Variants in IGBP1 observed in about 807,000 individuals in gnomAD.
IGBP1 encodes the protein immunoglobulin binding protein 1.
A neutral mutation model predicts 25.9 loss-of-function variants in IGBP1; 2 were observed. The observed-to-expected ratio is 0.08, with a 90% CI of 0.03 to 0.24. The LOEUF (loss-of-function observed/expected upper bound fraction) is 0.24, where lower values mean the gene tolerates loss of function less well. Among genes scored for constraint, IGBP1 ranks in the 10% least tolerant of loss-of-function variants. The pLI, the probability that IGBP1 is intolerant of heterozygous loss-of-function variation, is 1.00. For missense variants in IGBP1, 187 were observed against 260.4 expected, an observed-to-expected ratio of 0.72 and a Z score of 1.94; for synonymous variants, 96 against 93.4, an observed-to-expected ratio of 1.03 and a Z score of -0.16.
chrX:70,138,467 C>G (rs1016394632), intron 3 of IGBP1, among the ~76,000 whole-genome samples: 1 of 73,703 alleles, frequency 1.4e-5, no homozygotes, highest in Non-Finnish European at 2.4e-5. Context: ...GGTGACAGAG[C>G]GAGACCCTGT....
Position 70,134,619 on chromosome X carries a change from C to T in IGBP1, c.285C>T (p.Pro95=). 11 of 1,211,756 alleles carry T rather than the reference C, an allele frequency of 9.1e-6. No homozygotes were observed. The highest frequency in any genetic ancestry group is 1.7e-5 in the African/African-American group (1 of 57,881). ...CCCTCACCATGAAACAAGTCAACCC[C>T]AGCAAGCGTCTAGATCATTTGCAGC... The part of the protein sequence containing the change: ...QGALTMKQVN[P]SKRLDHLQRA... The change falls in exon 3 of 7, where the codon CCC becomes CCT. Residue 95 remains proline (P), a synonymous_variant. Transcript: ENST00000356413.
intron 6 of IGBP1, among the ~76,000 whole-genome samples, chrX:70,158,283 T>C (rs946341758): frequency 1.8e-5 from 2 of 111,548 alleles, no homozygotes; most frequent in African/African-American, 6.5e-5. Flanking sequence ...GGACTCACAC[T>C]GAGGAGAAAT....
At chrX:70,154,714 CA>C (rs762954223) in intron 6 of IGBP1, among the ~76,000 whole-genome samples, 1,527 of 27,041 alleles carry the variant, frequency 0.056, 75 homozygotes, top group African/African-American at 0.23. Context: ...CCCCTCTCCA[CA>C]AAAAAAAAAA....
chrX:70,154,830 G>T (rs1270000610), intron 6 of IGBP1, among the ~76,000 whole-genome samples: 2 of 108,534 alleles, frequency 1.8e-5, no homozygotes. Flanking sequence ...CTGTGAGGTC[G>T]AGGCTGCAGT....
intron 6 of IGBP1, among the ~76,000 whole-genome samples, chrX:70,154,738 T>TAAAAAAAAAAAAAAAAAAAA (rs2085228211): frequency 4.4e-5 from 1 of 22,624 alleles, no homozygotes; most frequent in Non-Finnish European, 9.1e-5. Flanking sequence ...AAAAAAAAAG[T>TAAAAAAAAAAAAAAAAAAAA]TTTAAAAAAC....
Position 70,148,484 on chromosome X carries a change from G to A in IGBP1, c.679-277G>A, listed in dbSNP as rs1348747960. 5 of 318,346 alleles carry A rather than the reference G, an allele frequency of 1.6e-5. No individual in the cohort carries two copies. The Admixed American group carries it at 2.0e-4, about 13-fold the overall frequency. 26.2% of individuals were successfully genotyped at this position (318,346 alleles called of 1,213,427 possible). ...GAGGGCTTTGGAATCTCCTTCTTTG[G>A]ACAGGGTATTTTAAAGCCGAGTAAT... On this transcript the variant is annotated intron_variant, in intron 4 of 6. Transcript: ENST00000356413.
intron 6 of IGBP1, chrX:70,163,934 C>T (rs994666299): frequency 1.8e-5 from 2 of 111,912 alleles, no homozygotes; most frequent in African/African-American, 6.5e-5. Flanking sequence ...ATAGGCAAGG[C>T]TAACCTCAAA....
intron 6 of IGBP1, among the ~76,000 whole-genome samples, chrX:70,161,947 A>C (rs2085272925): frequency 8.9e-6 from 1 of 111,937 alleles, no homozygotes; most frequent in African/African-American, 3.2e-5. Flanking sequence ...AATACACACA[A>C]GTCCATTGTG....
rs1406211846 is a variant in IGBP1, at chrX:70,148,808, C to T, written c.726C>T (p.Pro242=). ...SSRQERPPVK[P]FILTRNMAQA... is the part of the protein sequence containing the mutation. ...GCCAGGAGAGGCCTCCAGTGAAACC[C>T]TTCATTCTCACTCGGAACATGGCTC... is the stretch of plus-strand genomic sequence containing the variant. The change falls in exon 5 of 7, where the codon CCC becomes CCT. Residue 242 remains proline, a synonymous_variant. Transcript: ENST00000356413. 2 of 1,204,672 alleles carry T rather than the reference C, an allele frequency of 1.7e-6. No homozygotes were observed.
chrX:70,150,436 C>T, intron 6 of IGBP1, 114 bp downstream of exon 6: 1 of 528,521 alleles, frequency 1.9e-6, no homozygotes, highest in East Asian at 3.6e-5. Flanking sequence ...GACAAAGATT[C>T]TGAGTAATAG....
At chrX:70,148,202 T>C (rs971996664) in intron 4 of IGBP1, among the ~76,000 whole-genome samples, 1 of 112,281 alleles carries the variant, frequency 8.9e-6, no homozygotes, top group African/African-American at 3.2e-5. Context: ...CCATCCTTTG[T>C]TTCAGCATGC....
intron 6 of IGBP1, among the ~76,000 whole-genome samples, chrX:70,162,454 A>T (rs2085275877): frequency 8.9e-6 from 1 of 111,999 alleles, no homozygotes; most frequent in African/African-American, 3.2e-5. Flanking sequence ...GGAACGGAAA[A>T]GGGACATTAG....
intron 6 of IGBP1, among the ~76,000 whole-genome samples, chrX:70,152,481 C>G (rs2085209391): frequency 9.0e-6 from 1 of 111,170 alleles, no homozygotes; most frequent in African/African-American, 3.3e-5. Context: ...AAAAAACAAA[C>G]AGGAAAATGT....
chrX:70,144,699 T>C (rs1334645467), intron 3 of IGBP1, among the ~76,000 whole-genome samples: 1 of 82,816 alleles, frequency 1.2e-5, no homozygotes, highest in African/African-American at 4.4e-5. Flanking sequence ...CTCACTCTGT[T>C]GCCAGGCTGG....
intron 3 of IGBP1, among the ~76,000 whole-genome samples, chrX:70,145,597 A>T (rs1189240722): frequency 9.0e-6 from 1 of 111,255 alleles, no homozygotes. Flanking sequence ...GGTTATTGTG[A>T]CCTACCAGGT....
intron 3 of IGBP1, among the ~76,000 whole-genome samples, chrX:70,142,134 A>AC (rs1164576518): frequency 9.0e-6 from 1 of 111,295 alleles, no homozygotes; most frequent in Non-Finnish European, 1.9e-5. Context: ...GAAGTTCGAG[A>AC]CCAGCCTGGG....
intron 3 of IGBP1, among the ~76,000 whole-genome samples, chrX:70,143,975 G>A (rs937674414): frequency 5.3e-5 from 6 of 112,197 alleles, no homozygotes; most frequent in African/African-American, 1.6e-4. Flanking sequence ...ATCATCTGAC[G>A]TCAGGAGTTC....
chrX:70,151,849 G>A (rs2085205358), intron 6 of IGBP1, among the ~76,000 whole-genome samples: 1 of 111,377 alleles, frequency 9.0e-6, no homozygotes, highest in Non-Finnish European at 1.9e-5. Context: ...CTGCACTCCA[G>A]CCTGGGTGAC....
chrX:70,143,337 T>TAA (rs1373317325), intron 3 of IGBP1, among the ~76,000 whole-genome samples: 3 of 112,306 alleles, frequency 2.7e-5, no homozygotes, highest in Non-Finnish European at 5.6e-5. Context: ...CCCGGCCAGT[T>TAA]ACAGAGATTT....
Sources: gnomAD v4.1 joint callset for allele counts (sites outside exome capture counted in the v4.1 genomes callset) on GRCh38, gnomAD v4.1.1 for gene constraint, MANE v1.5 for transcripts, NCBI Gene and HGNC (gene_info 2026-07-23, HGNC 2026-07-21) for gene names.